Variants in CBL observed in about 807,000 individuals in gnomAD.
CBL encodes E3 ubiquitin-protein ligase CBL.
A neutral mutation model predicts 96.9 loss-of-function variants in CBL; 45 were observed. That is an observed-to-expected ratio of 0.46 (90% CI 0.37 to 0.60). The LOEUF is 0.60. Among genes scored for constraint, CBL ranks in the 20% least tolerant of loss-of-function variants. CBL has a pLI of 0.00. For missense variants in CBL, 1,024 were observed against 1,143.5 expected (o/e 0.90, Z 1.51); for synonymous variants, 420 against 426.8 (o/e 0.98, Z 0.20).
At chr11:119,221,463 T>A (rs1949410448) in intron 1 of CBL, among the ~76,000 whole-genome samples, 3 of 151,800 alleles carry the variant, frequency 2.0e-5, no homozygotes, top group African/African-American at 7.3e-5. Flanking sequence ...TCATGAGTTT[T>A]CGTTTAAAAA....
rs117792967 is a variant in CBL at position 119,222,453 on chromosome 11, C to T, written c.196-9995C>T. Reference sequence around the variant, plus strand: ...TGAGAAAGCTATTATGAATGGAGTGCATGGCAGCTGTACAAGGATACTGTT... The same window carrying T: ...TGAGAAAGCTATTATGAATGGAGTGTATGGCAGCTGTACAAGGATACTGTT... On this transcript the variant is annotated intron_variant, in intron 1 of 15. Transcript: ENST00000264033. Among the ~76,000 whole-genome samples, 271 of 152,270 alleles carry T rather than the reference C, an allele frequency of 1.8e-3. 1 individual carries two copies. Among genetic ancestry groups the T allele is most frequent in the East Asian group, 0.013 (66 of 5,192 alleles).
Position 119,206,522 on chromosome 11 carries a change from G to T in CBL, c.105G>T (p.Pro35=). 1.3e-6 allele frequency: 2 copies of T among 1,556,498 alleles called. No individual in the cohort carries two copies. The highest frequency in any genetic ancestry group is 1.7e-6 in the Non-Finnish European group (2 of 1,150,826). ...GGCTCATGAAGGACGCCTTCCAGCC[G>T]CACCACCACCACCACCACCACCTCA... ...LIGLMKDAFQ[P]HHHHHHHLSP... is the part of the protein sequence containing the mutation. The change falls in exon 1 of 16, where the codon CCG becomes CCT. Residue 35 remains proline, a synonymous_variant. Coordinates refer to ENST00000264033, the MANE Select transcript of CBL (RefSeq NM_005188.4).
intron 1 of CBL, among the ~76,000 whole-genome samples, chr11:119,227,792 C>T (rs981469984): frequency 4.6e-5 from 7 of 152,186 alleles, no homozygotes; most frequent in African/African-American, 1.2e-4. Flanking sequence ...TCAGGTGATC[C>T]ACCTGCCTTG....
chr11:119,206,871 T>G (rs1012701851), intron 1 of CBL, among the ~76,000 whole-genome samples: 14 of 127,790 alleles, frequency 1.1e-4, no homozygotes, highest in South Asian at 2.6e-4. Flanking sequence ...AAAGATGGAG[T>G]GGGGGCTGGG....
chr11:119,225,050 G>C (rs1949446578), intron 1 of CBL, among the ~76,000 whole-genome samples: 1 of 140,242 alleles, frequency 7.1e-6, no homozygotes, highest in African/African-American at 2.9e-5. Context: ...ACTCTTTGGG[G>C]TGTGTGTGTG....
At chr11:119,209,916 T>C (rs1051126245) in intron 1 of CBL, among the ~76,000 whole-genome samples, 7 of 152,252 alleles carry the variant, frequency 4.6e-5, no homozygotes, top group African/African-American at 1.7e-4. Context: ...CTAGAATGCT[T>C]GTTATTAAAC....
intron 5 of CBL, 42 bp downstream of exon 5, chr11:119,274,995 G>A (rs756156834): frequency 1.5e-4 from 238 of 1,609,266 alleles, no homozygotes; most frequent in Admixed American, 4.0e-4. Context: ...TCTGAATTTC[G>A]TTATCTTGAG....
chr11:119,247,973 C>T (rs769922818), intron 2 of CBL, among the ~76,000 whole-genome samples: 16 of 152,128 alleles, frequency 1.1e-4, no homozygotes, highest in Non-Finnish European at 2.2e-4. Context: ...CTGAAAGAAA[C>T]TAAAGAAGAC....
intron 6 of CBL, among the ~76,000 whole-genome samples, chr11:119,276,941 A>G (rs1169115220): frequency 6.6e-6 from 1 of 152,160 alleles, no homozygotes; most frequent in Non-Finnish European, 1.5e-5. Context: ...TCAAAAGCAA[A>G]TGCAGTTTAA....
intron 5 of CBL, among the ~76,000 whole-genome samples, chr11:119,275,723 T>A (rs1172161987): frequency 6.6e-6 from 1 of 151,770 alleles, no homozygotes; most frequent in Non-Finnish European, 1.5e-5. Flanking sequence ...ATTAGCCAGG[T>A]GTGGTGGCAC....
intron 2 of CBL, among the ~76,000 whole-genome samples, chr11:119,244,442 A>G (rs555958391): frequency 1.3e-5 from 2 of 151,002 alleles, no homozygotes; most frequent in South Asian, 4.2e-4. Flanking sequence ...TTTTGAGATA[A>G]GGTCTCACTC....
intron 1 of CBL, among the ~76,000 whole-genome samples, chr11:119,230,435 C>T (rs935471633): frequency 3.9e-5 from 6 of 152,138 alleles, no homozygotes; most frequent in African/African-American, 2.4e-5. Context: ...CCACCGCGCC[C>T]GGCCTGAAAA....
Position 119,278,601 on chromosome 11 carries a change from G to A in CBL, c.1319G>A (p.Gly440Asp), listed in dbSNP as rs757570929. 2 of 1,613,986 alleles carry A rather than the reference G, an allele frequency of 1.2e-6. No homozygotes were observed. Among genetic ancestry groups the A allele is most frequent in the South Asian group, 2.2e-5 (2 of 91,084 alleles). Residue 440 changes from glycine to aspartate, a missense_variant, in exon 9 of 16, where the codon GGC (glycine) becomes GAC (aspartate). By Grantham distance (94) the Gly-to-Asp change is moderately conservative. Around this residue, in one of 4 missense-constraint regions of CBL, gnomAD observed 695 missense variants for 661.6 expected, o/e 1.05. Coordinates refer to ENST00000264033, the MANE Select transcript of CBL (RefSeq NM_005188.4). ...VVDPFDPRGS[G>D]SLLRQGAEGA... ...GATCCGTTTGATCCTAGAGGGAGTG[G>A]CAGCCTGTTGAGGCAAGGAGCAGAG... is the stretch of plus-strand genomic sequence containing the variant.
intron 15 of CBL, 147 bp downstream of exon 15, chr11:119,298,687 G>T (rs771227980): frequency 9.2e-6 from 7 of 759,692 alleles, no homozygotes; most frequent in Non-Finnish European, 1.4e-5. Context: ...CCCAAGTTAG[G>T]AAGTTAGACT....
chr11:119,217,784 T>A (rs1949374597), intron 1 of CBL, among the ~76,000 whole-genome samples: 1 of 152,038 alleles, frequency 6.6e-6, no homozygotes, highest in Non-Finnish European at 1.5e-5. Context: ...AAAATACAAA[T>A]TTTTGGCTGG....
chr11:119,289,543 CTCT>C (rs1299289974), intron 12 of CBL: 1 of 145,896 alleles, frequency 6.9e-6, no homozygotes, highest in African/African-American at 2.5e-5. Context: ...CATTTCACTC[CTCT>C]ATTTTTTTTT....
chr11:119,227,842 G>A (rs374105309), intron 1 of CBL, among the ~76,000 whole-genome samples: 5 of 152,222 alleles, frequency 3.3e-5, no homozygotes, highest in East Asian at 3.9e-4. Flanking sequence ...GAGCCACCGC[G>A]CCCCGCAAAC....
intron 1 of CBL, among the ~76,000 whole-genome samples, chr11:119,221,025 A>G (rs1381820786): frequency 2.0e-5 from 3 of 151,120 alleles, no homozygotes; most frequent in Admixed American, 6.6e-5. Context: ...GTGGGCGATC[A>G]TTTGAGGCCA....
intron 1 of CBL, among the ~76,000 whole-genome samples, chr11:119,222,197 T>C (rs529385636): frequency 6.6e-6 from 1 of 152,200 alleles, no homozygotes; most frequent in East Asian, 1.9e-4. Context: ...GTCTTACATG[T>C]GTATGGTTTT....
Sources: gnomAD v4.1 joint callset for allele counts (sites outside exome capture counted in the v4.1 genomes callset) on GRCh38, gnomAD v4.1.1 for gene constraint, gnomAD v4.1.1 regional missense constraint, MANE v1.5 for transcripts, NCBI Gene and HGNC (gene_info 2026-07-23, HGNC 2026-07-21) for gene names.